IRS2: variants seen among roughly 807,000 people sequenced by gnomAD.
The protein encoded by IRS2 is insulin receptor substrate 2.
In IRS2, 28 loss-of-function variants were observed where a neutral mutation model predicts 70.9. That is an observed-to-expected ratio of 0.39 (90% CI 0.29 to 0.54). The LOEUF is 0.54. Ranked by LOEUF, IRS2 falls within the 20% of genes least tolerant of loss-of-function variation. The probability of loss-of-function intolerance (pLI) is 0.59; values close to 1 mark genes in which losing one functional copy is unlikely to be tolerated. For missense variants in IRS2, 2,081 were observed against 2,024.1 expected (o/e 1.03, Z -0.54); for synonymous variants, 1,217 against 981.9 (o/e 1.24, Z -4.48).
At chr13:109,767,302 G>A (rs1398529385) in intron 1 of IRS2, among the ~76,000 whole-genome samples, 2 of 152,094 alleles carry the variant, frequency 1.3e-5, no homozygotes, top group Admixed American at 6.5e-5. Context: ...CCACAAACAC[G>A]TCTTCTGCCC....
chr13:109,753,940 A>G lies in IRS2; in HGVS notation c.*2364T>C, dbSNP rs372696478. 1.7e-3 allele frequency: 387 copies of G among 232,286 alleles called. 1 individual carries two copies. Among genetic ancestry groups the G allele is most frequent in the Admixed American group, 5.6e-3 (100 of 17,768 alleles). The allele number at this position is 232,286 out of a possible 1,614,324, so 14.4% of individuals were successfully genotyped here. On this transcript the variant is annotated 3_prime_UTR_variant, in exon 2 of 2. Transcript: ENST00000375856. ...ACAATGCACTATTCTAGTCCAGTTT[A>G]TTCTCGTCTCCAGCAGCATCACATT...
Position 109,785,202 on chromosome 13 carries a change from G to T in IRS2, c.852C>A (p.His284Gln). 6.2e-7 allele frequency: 1 copy of T among 1,603,616 alleles called. No homozygotes were observed. Among genetic ancestry groups the T allele is most frequent in the Non-Finnish European group, 8.5e-7 (1 of 1,175,878 alleles). ...ADDSVVAQNI[H>Q]ETILEAMKAL... is the part of the protein sequence containing the mutation. Reference sequence around the variant, plus strand: ...CCTTCATGGCCTCCAGGATGGTCTCGTGGATGTTCTGCGCCACCACCGAGT... The same window carrying T: ...CCTTCATGGCCTCCAGGATGGTCTCTTGGATGTTCTGCGCCACCACCGAGT... Residue 284 changes from histidine (H) to glutamine (Q), a missense_variant, in exon 1 of 2, where the codon CAC becomes CAA. His to Gln is a conservative substitution (Grantham distance 24). Around this residue, in one of 4 missense-constraint regions of IRS2, gnomAD observed 35 missense variants for 78.6 expected, o/e 0.45. Transcript: ENST00000375856. This position sits in a 1 kb window ranked among gnomAD's most constrained non-coding sequence, Gnocchi z 9.3.
intron 1 of IRS2, among the ~76,000 whole-genome samples, chr13:109,773,586 T>C (rs892437285): frequency 9.9e-5 from 15 of 152,230 alleles, no homozygotes; most frequent in African/African-American, 3.6e-4. Context: ...AATAACTTTG[T>C]TTCCTTTTCT....
In IRS2 at chr13:109,755,126, A is replaced by G. The variant is rs1156793741; in HGVS notation, c.*1178T>C. Reference sequence around the variant, plus strand: ...GTCCGGAATTTTTTCGACAAGTAACATGTACTGCGAGATTGCTTTTCTTCT... The same window carrying G: ...GTCCGGAATTTTTTCGACAAGTAACGTGTACTGCGAGATTGCTTTTCTTCT... On this transcript the variant is annotated 3_prime_UTR_variant, in exon 2 of 2. Coordinates refer to ENST00000375856, the MANE Select transcript of IRS2 (RefSeq NM_003749.3). 3 of 232,234 alleles carry G rather than the reference A, an allele frequency of 1.3e-5. No individual in the cohort carries two copies. The East Asian group carries it at 1.8e-4, about 14-fold the overall frequency. 14.4% of individuals were successfully genotyped at this position (232,234 alleles called of 1,614,324 possible).
rs1400065041 is a variant in IRS2, at chr13:109,752,751, C to G, written c.*3553G>C. 6.6e-6 allele frequency: 1 copy of G among 152,200 alleles called. No individual in the cohort carries two copies. Among genetic ancestry groups the G allele is most frequent in the African/African-American group, 2.4e-5 (1 of 41,444 alleles). The allele number at this position is 152,200 out of a possible 1,614,324, so 9.4% of individuals were successfully genotyped here. On this transcript the variant is annotated 3_prime_UTR_variant, in exon 2 of 2. Transcript: ENST00000375856. ...AGATAACACACACATTATTACATGA[C>G]TATCATTTTAGGGCAAAGTGGATGC... is the stretch of plus-strand genomic sequence containing the variant.
intron 1 of IRS2, among the ~76,000 whole-genome samples, chr13:109,781,665 A>C (rs953820511): frequency 6.6e-6 from 1 of 152,118 alleles, no homozygotes; most frequent in Non-Finnish European, 1.5e-5. Context: ...TCCTTCCAGA[A>C]GGACGGACCC....
In IRS2 at chr13:109,783,972, G is replaced by GGCGGCGGCC; in HGVS notation, c.2081_2082insGGCCGCCGC (p.Ala699_Ala701dup). 6.6e-7 allele frequency: 1 copy of GGCGGCGGCC among 1,515,172 alleles called. No individual in the cohort carries two copies. Among genetic ancestry groups the GGCGGCGGCC allele is most frequent in the Non-Finnish European group, 8.8e-7 (1 of 1,138,104 alleles). The allele number at this position is 1,515,172 out of a possible 1,614,324, so 93.9% of individuals were successfully genotyped here. On this transcript the variant is annotated inframe_insertion, in exon 1 of 2. Coordinates refer to ENST00000375856, the MANE Select transcript of IRS2 (RefSeq NM_003749.3). ...GCACGGCGGCGGCGGCGGCGGCGGC[G>GGCGGCGGCC]GCCCTGGGCTGCAAGATCTGCTTGG...
chr13:109,768,581 G>C (rs1055520967), intron 1 of IRS2, among the ~76,000 whole-genome samples: 1 of 151,896 alleles, frequency 6.6e-6, no homozygotes, highest in African/African-American at 2.4e-5. Context: ...TAGCTGAAGA[G>C]TGAAATTGAT....
At chr13:109,758,852 A>C (rs560005631) in intron 1 of IRS2, among the ~76,000 whole-genome samples, 1 of 149,372 alleles carries the variant, frequency 6.7e-6, no homozygotes, top group African/African-American at 2.5e-5. Flanking sequence ...AAAAAGAAGG[A>C]AAGGGGAAAA....
Position 109,755,210 on chromosome 13 carries a change from T to C in IRS2, c.*1094A>G, listed in dbSNP as rs1231597626. On this transcript the variant is annotated 3_prime_UTR_variant, in exon 2 of 2. Transcript: ENST00000375856. Reference sequence around the variant, plus strand: ...ATGCCTCTTTTTATCAGTTTCTTTCTTTCCTTTTTTTTTTTTCTTTTTGTT... The same window carrying C: ...ATGCCTCTTTTTATCAGTTTCTTTCCTTCCTTTTTTTTTTTTCTTTTTGTT... The C allele has an allele frequency of 7.7e-6, 1 of 130,144 alleles. No homozygotes were observed. The highest frequency in any genetic ancestry group is 7.2e-5 in the African/African-American group (1 of 13,842). 8.1% of individuals were successfully genotyped at this position (130,144 alleles called of 1,614,324 possible). A position where few individuals can be genotyped will look rare whatever the true frequency, so the allele number is the denominator to read the frequency against.
intron 1 of IRS2, among the ~76,000 whole-genome samples, chr13:109,764,517 A>G (rs145064005): frequency 1.1e-4 from 16 of 152,378 alleles, no homozygotes; most frequent in Non-Finnish European, 2.1e-4. Flanking sequence ...ATAAAGAAGC[A>G]CATGCTACTA....
Position 109,783,285 on chromosome 13 carries a change from G to A in IRS2, c.2769C>T (p.Asp923=), listed in dbSNP as rs1437414220. 4 of 1,503,916 alleles carry A rather than the reference G, an allele frequency of 2.7e-6. No individual in the cohort carries two copies. The highest frequency in any genetic ancestry group is 2.7e-5 in the East Asian group (1 of 37,212). 93.2% of individuals were successfully genotyped at this position (1,503,916 alleles called of 1,614,324 possible). A position where few individuals can be genotyped will look rare whatever the true frequency, so the allele number is the denominator to read the frequency against. The change falls in exon 1 of 2, where the codon GAC becomes GAT. Residue 923 remains aspartate, a synonymous_variant. Transcript: ENST00000375856. The part of the protein sequence containing the change: ...PKSPGEYINI[D]FGEPGARLSP... ...ACAGGCGGGCCCCGGGCTCGCCAAA[G>A]TCGATGTTGATGTACTCGCCGGGGC...
rs1357518676 is a variant in IRS2 at position 109,782,834 on chromosome 13, C to G, written c.3220G>C (p.Glu1074Gln). ...GTGGCGGCCACACCAAAAGCCATCT[C>G]GGTGTAGTCACCATTGTCCCCGGTG... ...SDTGDNGDYT[E>Q]MAFGVAATPP... is the part of the protein sequence containing the mutation. The change falls in exon 1 of 2, where the codon GAG (glutamate) becomes CAG (glutamine). Residue 1074 changes from glutamate (E) to glutamine (Q), a missense_variant. Glu to Gln is a conservative substitution (Grantham distance 29). Around this residue, in one of 4 missense-constraint regions of IRS2, gnomAD observed 1,615 missense variants for 1,459.5 expected, o/e 1.11. Coordinates refer to ENST00000375856, the MANE Select transcript of IRS2 (RefSeq NM_003749.3). The G allele has an allele frequency of 6.3e-7, 1 of 1,588,040 alleles. No homozygotes were observed.
Position 109,766,858 on chromosome 13 carries a change from C to A in IRS2, c.4013-10550G>T, listed in dbSNP as rs190314970. ...GACCCACTGGCACTGAAACAGTGCA[C>A]AAGTCATATTCAGTTACTGCACATG... On this transcript the variant is annotated intron_variant, in intron 1 of 1. Transcript: ENST00000375856. Among the ~76,000 whole-genome samples the A allele has an allele frequency of 5.2e-4, 79 of 152,352 alleles. 1 individual carries two copies. The highest frequency in any genetic ancestry group is 9.6e-4 in the Non-Finnish European group (65 of 68,026).
At chr13:109,775,383 C>T (rs34701391) in intron 1 of IRS2, among the ~76,000 whole-genome samples, 50,034 of 151,398 alleles carry the variant, frequency 0.33, 8,332 homozygotes, top group Middle Eastern at 0.47. Context: ...CCTCCCAAAG[C>T]GCTGGGATTA....
At chr13:109,768,853 G>C (rs1877392674) in intron 1 of IRS2, among the ~76,000 whole-genome samples, 1 of 152,122 alleles carries the variant, frequency 6.6e-6, no homozygotes, top group Non-Finnish European at 1.5e-5. Flanking sequence ...CGGCGGGGCA[G>C]GCATATACAT....
At chr13:109,780,953 G>C (rs1877682282) in intron 1 of IRS2, among the ~76,000 whole-genome samples, 1 of 152,126 alleles carries the variant, frequency 6.6e-6, no homozygotes, top group African/African-American at 2.4e-5. Context: ...TCTCCTCATG[G>C]ATATTTGATC....
Position 109,785,205 on chromosome 13 carries a change from G to A in IRS2, c.849C>T (p.Ile283=). The A allele has an allele frequency of 1.2e-6, 2 of 1,603,482 alleles. No individual in the cohort carries two copies. Among genetic ancestry groups the A allele is most frequent in the Non-Finnish European group, 1.7e-6 (2 of 1,175,850 alleles). Residue 283 remains isoleucine, a synonymous_variant, in exon 1 of 2, where the codon ATC becomes ATT. Transcript: ENST00000375856. The surrounding 1 kb of genome is among the most constrained non-coding windows in gnomAD (Gnocchi z 9.3). ...QADDSVVAQN[I]HETILEAMKA... is the part of the protein sequence containing the mutation. ...TCATGGCCTCCAGGATGGTCTCGTG[G>A]ATGTTCTGCGCCACCACCGAGTCGT... is the stretch of plus-strand genomic sequence containing the variant.
intron 1 of IRS2, among the ~76,000 whole-genome samples, chr13:109,779,187 T>A (rs1436388046): frequency 2.0e-5 from 3 of 152,212 alleles, no homozygotes; most frequent in Non-Finnish European, 2.9e-5. Context: ...GCTGGAACCT[T>A]ACCTCTCTGC....
Sources: gnomAD v4.1 joint callset for allele counts (sites outside exome capture counted in the v4.1 genomes callset) on GRCh38, gnomAD v4.1.1 for gene constraint, gnomAD v4.1.1 regional missense constraint, Gnocchi (gnomAD v3.1) non-coding constraint, MANE v1.5 for transcripts, NCBI Gene and HGNC (gene_info 2026-07-23, HGNC 2026-07-21) for gene names.